Variants in ABCC4 observed in about 807,000 individuals in gnomAD.
ABCC4 encodes ATP binding cassette subfamily C member 4 (PEL blood group).
In ABCC4, 102 loss-of-function variants were observed where a neutral mutation model predicts 168.5. That is an observed-to-expected ratio of 0.61 (90% CI 0.52 to 0.71). The LOEUF is 0.71. Among genes scored for constraint, ABCC4 ranks in the 30% least tolerant of loss-of-function variants. ABCC4 has a pLI of 0.00. For missense variants in ABCC4, 1,402 were observed against 1,605.8 expected (o/e 0.87, Z 2.17); for synonymous variants, 617 against 590.7 (o/e 1.04, Z -0.65).
chr13:95,254,733 T>TCA (rs1420986685), intron 1 of ABCC4, among the ~76,000 whole-genome samples: 4 of 152,206 alleles, frequency 2.6e-5, no homozygotes, highest in African/African-American at 4.8e-5. Context: ...CCTATAAGGC[T>TCA]CACCCTCTGC....
intron 11 of ABCC4, 60 bp from the exon 12 acceptor site, chr13:95,178,151 T>C (rs1386867562): frequency 6.9e-7 from 1 of 1,457,046 alleles, no homozygotes; most frequent in African/African-American, 1.4e-5. Context: ...CTTCCTCTGT[T>C]CTTTGTGTTC....
chr13:95,029,203 TATATATATATAG>T (rs1566355415), intron 30 of ABCC4, among the ~76,000 whole-genome samples: 4 of 57,738 alleles, frequency 6.9e-5, no homozygotes, highest in African/African-American at 2.0e-4. Context: ...TATATATATA[TATATATATATAG>T]AGAGAGAGAG....
chr13:95,186,817 AG>A lies in ABCC4; in HGVS notation c.1428del (p.Tyr477MetfsTer13), dbSNP rs1375949250. ...HGLVSVHGRI[A>X]YVSQQPWVFS... Reference sequence around the variant, plus strand: ...AACACCCAGGGCTGCTGAGACACATAGGCAATTCTTCCATGCACGCTGACCA... The same window carrying A: ...AACACCCAGGGCTGCTGAGACACATAGCAATTCTTCCATGCACGCTGACCA... On this transcript the variant is annotated frameshift_variant, in exon 11 of 31. Coordinates refer to ENST00000645237, the MANE Select transcript of ABCC4 (RefSeq NM_005845.5). LOFTEE classifies it high-confidence loss of function. 1 of 1,614,174 alleles carries A rather than the reference AG, an allele frequency of 6.2e-7. No individual in the cohort carries two copies. The highest frequency in any genetic ancestry group is 1.7e-5 in the Admixed American group (1 of 60,024).
intron 8 of ABCC4, among the ~76,000 whole-genome samples, chr13:95,203,330 G>A (rs1196275929): frequency 1.5e-5 from 2 of 131,262 alleles, no homozygotes; most frequent in Non-Finnish European, 3.1e-5. Flanking sequence ...AGCCAGTCAG[G>A]AGGCTCTTTT....
At position 95,098,011 on chromosome 13, in the gene ABCC4, C is replaced by G. The variant is rs1208154082; in HGVS notation, c.2536-14721G>C. On this transcript the variant is annotated intron_variant, in intron 20 of 30. Transcript: ENST00000645237. ...ATTAGCTGGGTGTGGTGATGTGCGC[C>G]TGTAATCCCAGCTATTCAACAGGCT... 3.3e-5 allele frequency among the ~76,000 whole-genome samples: 5 copies of G among 151,894 alleles called. No homozygotes were observed. The East Asian group carries it at 7.8e-4, about 24-fold the overall frequency.
intron 1 of ABCC4, among the ~76,000 whole-genome samples, chr13:95,276,628 G>A (rs1035895400): frequency 6.6e-6 from 1 of 152,088 alleles, no homozygotes; most frequent in Admixed American, 6.6e-5. Flanking sequence ...AAAGACACCA[G>A]AGTGCAATAG....
intron 4 of ABCC4, among the ~76,000 whole-genome samples, chr13:95,217,015 T>G (rs1044549151): frequency 6.6e-6 from 1 of 152,200 alleles, no homozygotes; most frequent in African/African-American, 2.4e-5. Flanking sequence ...ATCTAATTAT[T>G]GGTTACTCTA....
At chr13:95,218,283 G>T (rs1357421979) in intron 4 of ABCC4, among the ~76,000 whole-genome samples, 1 of 152,140 alleles carries the variant, frequency 6.6e-6, no homozygotes, top group Non-Finnish European at 1.5e-5. Context: ...TTTAATGACT[G>T]CACAATCTAA....
At chr13:95,028,757 T>C (rs2031667915) in intron 30 of ABCC4, among the ~76,000 whole-genome samples, 1 of 152,014 alleles carries the variant, frequency 6.6e-6, no homozygotes. Flanking sequence ...AGTAAATAAA[T>C]CTGGTAAGTC....
At position 95,094,811 on chromosome 13, in the gene ABCC4, A is replaced by T. The variant is rs189884385; in HGVS notation, c.2536-11521T>A. ...TAATATCCAGAGTCTACAATGAATT[A>T]GAACAAATCAGTAAGAAAAAAAAAT... On this transcript the variant is annotated intron_variant, in intron 20 of 30. Transcript: ENST00000645237. Among the ~76,000 whole-genome samples the T allele has an allele frequency of 3.3e-3, 280 of 85,690 alleles. 3 individuals are homozygous for T. Among genetic ancestry groups the T allele is most frequent in the African/African-American group, 0.012 (237 of 20,396 alleles). The allele number at this position is 85,690 out of a possible 152,430, so 56.2% of individuals were successfully genotyped here.
intron 20 of ABCC4, among the ~76,000 whole-genome samples, chr13:95,090,748 A>G (rs1427351862): frequency 6.6e-6 from 1 of 152,240 alleles, no homozygotes; most frequent in Non-Finnish European, 1.5e-5. Flanking sequence ...AAATCACACT[A>G]GTTCACCAGC....
At chr13:95,034,168 A>G (rs1011319626) in intron 30 of ABCC4, among the ~76,000 whole-genome samples, 1 of 152,172 alleles carries the variant, frequency 6.6e-6, no homozygotes, top group Non-Finnish European at 1.5e-5. Context: ...ACAATAAACA[A>G]TATCCCACAC....
At chr13:95,241,208 C>CA (rs1011360519) in intron 3 of ABCC4, among the ~76,000 whole-genome samples, 11 of 151,400 alleles carry the variant, frequency 7.3e-5, no homozygotes, top group African/African-American at 2.7e-4. Flanking sequence ...ACTAAAAATA[C>CA]AAAAAAATTA....
chr13:95,220,216 T>G (rs1013101391), intron 4 of ABCC4, among the ~76,000 whole-genome samples: 3 of 152,166 alleles, frequency 2.0e-5, no homozygotes, highest in Admixed American at 6.6e-5. Context: ...GAAATGTGTT[T>G]ATAATGTATC....
At chr13:95,150,391 G>A (rs1361465687) in intron 19 of ABCC4, among the ~76,000 whole-genome samples, 1 of 152,146 alleles carries the variant, frequency 6.6e-6, no homozygotes, top group African/African-American at 2.4e-5. Flanking sequence ...CTATTAAAAT[G>A]CAAATGCAAA....
chr13:95,163,457 C>T (rs1310014308), intron 17 of ABCC4, among the ~76,000 whole-genome samples, 153 bp downstream of exon 17: 1 of 152,174 alleles, frequency 6.6e-6, no homozygotes, highest in Non-Finnish European at 1.5e-5. Context: ...CCGCAGTTTA[C>T]ACTCCACCAG....
At chr13:95,045,293 T>C (rs1391122997) in intron 27 of ABCC4, among the ~76,000 whole-genome samples, 1 of 152,204 alleles carries the variant, frequency 6.6e-6, no homozygotes, top group Non-Finnish European at 1.5e-5. Context: ...GCAGGAAGTA[T>C]GGTCCTCCAA....
intron 8 of ABCC4, among the ~76,000 whole-genome samples, chr13:95,195,973 A>G (rs1318718132): frequency 6.6e-6 from 1 of 152,150 alleles, no homozygotes; most frequent in African/African-American, 2.4e-5. Flanking sequence ...CCCCTCCTAG[A>G]CAGCAGAACG....
At position 95,120,204 on chromosome 13, in the gene ABCC4, T is replaced by C. The variant is rs1417269979; in HGVS notation, c.2456-4203A>G. Among the ~76,000 whole-genome samples, 5 of 150,448 alleles carry C rather than the reference T, an allele frequency of 3.3e-5. No individual in the cohort carries two copies. In the East Asian group the frequency reaches 9.7e-4, roughly 29 times the overall value. The stretch of plus-strand genomic sequence containing the variant: ...GTGTTTAGTGAACTCTTCAATTTTG[T>C]AAACTTCTTTATAGGTATCCACACT... On this transcript the variant is annotated intron_variant, in intron 19 of 30. Transcript: ENST00000645237.
Sources: allele counts gnomAD v4.1 joint callset (sites outside exome capture counted in the v4.1 genomes callset), GRCh38; gene constraint gnomAD v4.1.1; transcripts MANE v1.5; gene names NCBI Gene and HGNC (gene_info 2026-07-23, HGNC 2026-07-21).